Variants in UIMC1 observed in about 807,000 individuals in gnomAD.
UIMC1 encodes ubiquitin interaction motif containing 1, also known as BRCA1-A complex subunit RAP80.
In UIMC1, 42 loss-of-function variants were observed where a neutral mutation model predicts 84.9. The ratio of observed to expected loss-of-function variants is 0.49; its 90% CI spans 0.39 to 0.64. The LOEUF is 0.64. Among genes scored for constraint, UIMC1 ranks in the 30% least tolerant of loss-of-function variants. UIMC1 has a pLI of 0.00. For missense variants in UIMC1, 825 were observed against 847.6 expected (o/e 0.97, Z 0.33); for synonymous variants, 281 against 293.0 (o/e 0.96, Z 0.42).
upstream of UIMC1, among the ~76,000 whole-genome samples, chr5:177,007,128 G>A (rs554221968): frequency 6.6e-6 from 1 of 152,208 alleles, no homozygotes; most frequent in South Asian, 2.1e-4. Context: ...ATTACCTGAG[G>A]TCGGGAGTTC....
chr5:176,972,324 C>A (rs955690380), intron 3 of UIMC1, among the ~76,000 whole-genome samples: 1 of 151,998 alleles, frequency 6.6e-6, no homozygotes, highest in Admixed American at 6.6e-5. Flanking sequence ...ATGGCGTGAA[C>A]CCTGAAGGCA....
At chr5:176,993,265 A>G (rs2149525019) in intron 1 of UIMC1, among the ~76,000 whole-genome samples, 1 of 152,080 alleles carries the variant, frequency 6.6e-6, no homozygotes, top group African/African-American at 2.4e-5. Flanking sequence ...GGCTCACCAC[A>G]ATCTCAACCT....
At chr5:176,950,757 C>T (rs1440288660) in intron 9 of UIMC1, among the ~76,000 whole-genome samples, 1 of 151,888 alleles carries the variant, frequency 6.6e-6, no homozygotes, top group African/African-American at 2.4e-5. Flanking sequence ...GTAATCCCAG[C>T]TACTCGGGTG....
At chr5:176,922,287 C>T (rs913456352) in intron 10 of UIMC1, among the ~76,000 whole-genome samples, 1 of 152,186 alleles carries the variant, frequency 6.6e-6, no homozygotes, top group African/African-American at 2.4e-5. Flanking sequence ...TAAATAAATA[C>T]CAACTGGGTT....
intron 1 of UIMC1, among the ~76,000 whole-genome samples, chr5:176,985,800 T>C (rs548978602): frequency 1.3e-5 from 2 of 152,246 alleles, no homozygotes; most frequent in South Asian, 4.1e-4. Context: ...CCTTATAAGA[T>C]AGGATCTCAC....
rs1475353953 is a variant in UIMC1 at position 176,968,665 on chromosome 5, A to G, written c.1090T>C (p.Ser364Pro). 4 of 1,613,674 alleles carry G rather than the reference A, an allele frequency of 2.5e-6. No homozygotes were observed. The Admixed American group carries it at 6.7e-5, about 27-fold the overall frequency. ...GDEDKEERQE[S>P]RASDWHSKTK... ...TTTGAGTGCCAGTCAGATGCCCTAG[A>G]CTCCTGCCTCTCCTCTTTGTCTTCA... The change falls in exon 6 of 15, where the codon TCT (serine) becomes CCT (proline). Residue 364 changes from serine to proline, a missense_variant. Ser to Pro is a moderately conservative substitution (Grantham distance 74). Coordinates refer to ENST00000511320, the MANE Select transcript of UIMC1 (RefSeq NM_001199298.2).
rs115959292 is a variant in UIMC1, at chr5:176,966,300, T to C, written c.1200+2255A>G. Among the ~76,000 whole-genome samples, 1,389 of 152,348 alleles carry C rather than the reference T, an allele frequency of 9.1e-3. 9 individuals carry two copies. The highest frequency in any genetic ancestry group is 0.025 in the South Asian group (123 of 4,832). Reference sequence around the variant, plus strand: ...TAAAATAACTGTCGAAAGATAGGAATTGTTATTCCCACTGTATAGACGTGA... The same window carrying C: ...TAAAATAACTGTCGAAAGATAGGAACTGTTATTCCCACTGTATAGACGTGA... On this transcript the variant is annotated intron_variant, in intron 6 of 14. Coordinates refer to ENST00000511320, the MANE Select transcript of UIMC1 (RefSeq NM_001199298.2).
At chr5:177,020,026 G>A (rs560542411) in intron 1 of UIMC1, among the ~76,000 whole-genome samples, 1 of 152,296 alleles carries the variant, frequency 6.6e-6, no homozygotes. Flanking sequence ...TAGTGCTGGT[G>A]CTCAATATTT....
intron 1 of UIMC1, among the ~76,000 whole-genome samples, chr5:176,999,807 T>G (rs1228431715): frequency 1.3e-5 from 2 of 152,216 alleles, no homozygotes; most frequent in Non-Finnish European, 2.9e-5. Context: ...CATCTGTTGA[T>G]GGACACAGAT....
intron 6 of UIMC1, among the ~76,000 whole-genome samples, chr5:176,959,089 T>C (rs1766976250): frequency 6.6e-6 from 1 of 152,140 alleles, no homozygotes; most frequent in Non-Finnish European, 1.5e-5. Flanking sequence ...AATAGTTGAG[T>C]TTTCAGTCAA....
At chr5:177,012,393 A>G (rs1216022379) in intron 1 of UIMC1, among the ~76,000 whole-genome samples, 1 of 152,124 alleles carries the variant, frequency 6.6e-6, no homozygotes, top group Non-Finnish European at 1.5e-5. Flanking sequence ...ATGGAGTCTT[A>G]CTGACTTCGA....
At chr5:176,911,850 G>A (rs571358327) in intron 10 of UIMC1, among the ~76,000 whole-genome samples, 1 of 152,160 alleles carries the variant, frequency 6.6e-6, no homozygotes, top group South Asian at 2.1e-4. Flanking sequence ...TGAGAAAACT[G>A]TGGCTCAGAA....
intron 10 of UIMC1, among the ~76,000 whole-genome samples, chr5:176,938,027 C>CA (rs1246156039): frequency 6.6e-6 from 1 of 151,488 alleles, no homozygotes; most frequent in East Asian, 1.9e-4. Flanking sequence ...TCCATCTCTA[C>CA]AAAAAATAAA....
In UIMC1 at chr5:176,980,741, T is replaced by C. The variant is rs559267700; in HGVS notation, c.147+1728A>G. Reference sequence around the variant, plus strand: ...TGTTAATATTAAGATGATATCCAAGTAATACAATTGTTTTGTTTTCTTTCT... The same window carrying C: ...TGTTAATATTAAGATGATATCCAAGCAATACAATTGTTTTGTTTTCTTTCT... On this transcript the variant is annotated intron_variant, in intron 2 of 14. Coordinates refer to ENST00000511320, the MANE Select transcript of UIMC1 (RefSeq NM_001199298.2). Among the ~76,000 whole-genome samples, 130 of 152,300 alleles carry C rather than the reference T, an allele frequency of 8.5e-4. 1 individual carries two copies. The highest frequency in any genetic ancestry group is 2.9e-3 in the African/African-American group (121 of 41,552).
chr5:176,928,249 G>C, intron 10 of UIMC1, among the ~76,000 whole-genome samples: 1 of 152,158 alleles, frequency 6.6e-6, no homozygotes, highest in African/African-American at 2.4e-5. Flanking sequence ...AGTAGCAGTG[G>C]CAAAGACTTG....
intron 1 of UIMC1, among the ~76,000 whole-genome samples, chr5:176,985,253 G>A (rs1771785868): frequency 6.6e-6 from 1 of 151,798 alleles, no homozygotes; most frequent in East Asian, 1.9e-4. Context: ...GTGAGGAGTT[G>A]GAGACTATCC....
chr5:176,968,442 C>A, intron 6 of UIMC1, 113 bp downstream of exon 6: 1 of 1,388,708 alleles, frequency 7.2e-7, no homozygotes, highest in Non-Finnish European at 9.7e-7. Context: ...CTATAGTGAA[C>A]ATGTATTACT....
At chr5:177,022,261 G>A (rs929225036) in intron 1 of UIMC1, among the ~76,000 whole-genome samples, 9 of 152,140 alleles carry the variant, frequency 5.9e-5, no homozygotes, top group Admixed American at 3.3e-4. Context: ...GATCAGAGCT[G>A]GGAGCTGGCA....
intron 10 of UIMC1, chr5:176,919,261 A>G: frequency 3.5e-6 from 1 of 287,498 alleles, no homozygotes; most frequent in South Asian, 2.7e-5. Flanking sequence ...CCTGGGCAAC[A>G]GAAAGAGAGT....
Sources: gnomAD v4.1 joint callset for allele counts (sites outside exome capture counted in the v4.1 genomes callset) on GRCh38, gnomAD v4.1.1 for gene constraint, MANE v1.5 for transcripts, NCBI Gene and HGNC (gene_info 2026-07-23, HGNC 2026-07-21) for gene names.